MCM9: variants seen among roughly 807,000 people sequenced by gnomAD.
MCM9 encodes the protein minichromosome maintenance 9 homologous recombination repair factor.
In MCM9, 55 loss-of-function variants were observed where a neutral mutation model predicts 72.8. The observed-to-expected ratio is 0.76, with a 90% confidence interval of 0.61 to 0.95. MCM9 has a LOEUF of 0.95. Ranked by LOEUF, MCM9 falls within the 40% of genes least tolerant of loss-of-function variation. The pLI, the probability that MCM9 is intolerant of heterozygous loss-of-function variation, is 0.00. For synonymous variants in MCM9, 480 were observed against 503.4 expected, an observed-to-expected ratio of 0.95 and a Z score of 0.62; for missense variants, 1,279 against 1,377.0, an observed-to-expected ratio of 0.93 and a Z score of 1.13.
intron 8 of MCM9, among the ~76,000 whole-genome samples, chr6:118,890,579 T>C (rs1309002331): frequency 6.6e-6 from 1 of 152,216 alleles, no homozygotes; most frequent in Non-Finnish European, 1.5e-5. Context: ...ATGTCTTATC[T>C]TTGACTATTT....
intron 3 of MCM9, among the ~76,000 whole-genome samples, chr6:118,926,413 C>T (rs767560449): frequency 3.3e-5 from 5 of 152,160 alleles, no homozygotes; most frequent in South Asian, 2.1e-4. Flanking sequence ...GAATACTACA[C>T]TAAAAGTGAC....
rs1308880937 is a variant in MCM9 at position 118,815,792 on chromosome 6, T to A, written c.2464A>T (p.Arg822Trp). 3 of 1,539,516 alleles carry A rather than the reference T, an allele frequency of 1.9e-6. No homozygotes were observed. Among genetic ancestry groups the A allele is most frequent in the African/African-American group, 1.4e-5 (1 of 73,144 alleles). ...ADNVESNKKK[R>W]LALDSEAAVS... ...GCTGCTTCAGAATCTAGTGCTAGCCTTTTTTTCTTGTTACTTTCCACATTG... is the reference window on the plus strand; with the variant it reads ...GCTGCTTCAGAATCTAGTGCTAGCCATTTTTTCTTGTTACTTTCCACATTG... Residue 822 changes from arginine to tryptophan, a missense_variant, in exon 14 of 14, where the codon AGG becomes TGG. Coordinates refer to ENST00000619706, the MANE Select transcript of MCM9 (RefSeq NM_017696.3).
intron 8 of MCM9, among the ~76,000 whole-genome samples, chr6:118,885,070 CCT>C (rs1369307001): frequency 6.6e-6 from 1 of 152,060 alleles, no homozygotes; most frequent in Admixed American, 6.6e-5. Flanking sequence ...GTGGTGGGCG[CCT>C]GTAGTCCCAG....
At chr6:118,843,869 G>A (rs1775679591) in intron 9 of MCM9, among the ~76,000 whole-genome samples, 1 of 151,084 alleles carries the variant, frequency 6.6e-6, no homozygotes, top group African/African-American at 2.4e-5. Context: ...TGAGACAGGA[G>A]AAAGAGAAAA....
In MCM9 at chr6:118,892,130, A is replaced by C. The variant is rs1562425545; in HGVS notation, c.1150+19520T>G. Among the ~76,000 whole-genome samples, 3 of 151,876 alleles carry C rather than the reference A, an allele frequency of 2.0e-5. No homozygotes were observed. In the South Asian group the frequency reaches 6.2e-4, roughly 31 times the overall value. ...CTTTCGGTCTCTCCTGGAGTAAGGT[A>C]GTATCAATGGTGAGGAAACTATTGA... is the stretch of plus-strand genomic sequence containing the variant. On this transcript the variant is annotated intron_variant, in intron 8 of 13. Transcript: ENST00000619706.
chr6:118,929,649 C>A (rs1237746965), intron 3 of MCM9, among the ~76,000 whole-genome samples: 1 of 152,112 alleles, frequency 6.6e-6, no homozygotes, highest in Non-Finnish European at 1.5e-5. Flanking sequence ...AACTAAAGTC[C>A]CCCTTAATAA....
intron 8 of MCM9, chr6:118,900,714 C>T: frequency 7.8e-7 from 1 of 1,276,696 alleles, no homozygotes; most frequent in Non-Finnish European, 1.1e-6. Flanking sequence ...TTGATGTCAT[C>T]TGGTAATGTA....
At chr6:118,834,634 G>T (rs1300696429) in intron 9 of MCM9, among the ~76,000 whole-genome samples, 1 of 151,280 alleles carries the variant, frequency 6.6e-6, no homozygotes, top group Non-Finnish European at 1.5e-5. Flanking sequence ...TTTCACGTTT[G>T]TTGGCCATAT....
intron 13 of MCM9, among the ~76,000 whole-genome samples, chr6:118,820,739 A>T (rs1257279138): frequency 6.6e-6 from 1 of 152,084 alleles, no homozygotes. Context: ...GTCTCCCACT[A>T]TTATTGTGTG....
intron 13 of MCM9, among the ~76,000 whole-genome samples, chr6:118,818,097 T>C (rs914577930): frequency 7.9e-5 from 12 of 152,362 alleles, no homozygotes; most frequent in Middle Eastern, 6.8e-3. Context: ...ACTCTGATGA[T>C]AGTTTATTTG....
intron 9 of MCM9, among the ~76,000 whole-genome samples, chr6:118,847,427 A>C (rs1238795850): frequency 6.7e-6 from 1 of 150,358 alleles, no homozygotes; most frequent in Non-Finnish European, 1.5e-5. Flanking sequence ...ATCTTCAAAA[A>C]AAAAAAAAAA....
At chr6:118,928,397 T>C (rs150519192) in intron 3 of MCM9, among the ~76,000 whole-genome samples, 1,585 of 151,838 alleles carry the variant, frequency 0.01, 29 homozygotes, top group African/African-American at 0.036. Context: ...GGAAACAGAG[T>C]GAGACTCCAT....
chr6:118,876,800 A>T (rs1028716215), intron 8 of MCM9, among the ~76,000 whole-genome samples: 9 of 152,228 alleles, frequency 5.9e-5, no homozygotes, highest in African/African-American at 9.7e-5. Context: ...AAAACTCAGT[A>T]AGAAGTAAAC....
intron 9 of MCM9, among the ~76,000 whole-genome samples, chr6:118,850,503 A>C (rs755747198): frequency 6.6e-6 from 1 of 151,894 alleles, no homozygotes; most frequent in Non-Finnish European, 1.5e-5. Context: ...ATCACCCACA[A>C]TATTAAAAAA....
chr6:118,863,691 G>A (rs1777042273), intron 8 of MCM9, among the ~76,000 whole-genome samples: 1 of 152,094 alleles, frequency 6.6e-6, no homozygotes, highest in South Asian at 2.1e-4. Context: ...TGGGGCATTA[G>A]TGGCTTTAAA....
chr6:118,864,665 T>G (rs994383798), intron 8 of MCM9, among the ~76,000 whole-genome samples: 29 of 152,154 alleles, frequency 1.9e-4, no homozygotes, highest in African/African-American at 7.0e-4. Context: ...ATCAAGCTTC[T>G]TCCTGTGGAG....
At chr6:118,827,637 A>C (rs1227014027) in intron 11 of MCM9, among the ~76,000 whole-genome samples, 1 of 152,186 alleles carries the variant, frequency 6.6e-6, no homozygotes. Flanking sequence ...ACCACTGAGA[A>C]ACAAAATATC....
chr6:118,894,871 C>T (rs1431202254), intron 8 of MCM9, among the ~76,000 whole-genome samples: 1 of 152,180 alleles, frequency 6.6e-6, no homozygotes, highest in Non-Finnish European at 1.5e-5. Flanking sequence ...CAACAGCCTC[C>T]GCGACCCTCC....
chr6:118,894,305 G>A (rs918107330), intron 8 of MCM9: 24 of 1,498,580 alleles, frequency 1.6e-5, no homozygotes, highest in Non-Finnish European at 8.9e-7. Flanking sequence ...GCTGCACGAC[G>A]TCTGGCCGGC....
Sources: allele counts gnomAD v4.1 joint callset (sites outside exome capture counted in the v4.1 genomes callset), GRCh38; gene constraint gnomAD v4.1.1; transcripts MANE v1.5; gene names NCBI Gene and HGNC (gene_info 2026-07-23, HGNC 2026-07-21).